SLC7A14: variants seen among roughly 807,000 people sequenced by gnomAD.
SLC7A14 encodes gamma-aminobutyric acid transporter SLC7A14.
In SLC7A14, 37 loss-of-function variants were observed where a neutral mutation model predicts 60.2. The observed-to-expected ratio is 0.61, with a 90% CI of 0.47 to 0.81. SLC7A14 has a LOEUF of 0.81. SLC7A14 is among the 30% of genes least tolerant of loss of function. The pLI, the probability that SLC7A14 is intolerant of heterozygous loss-of-function variation, is 0.00. For synonymous variants in SLC7A14, 399 were observed against 395.8 expected (o/e 1.01, Z -0.10); for missense variants, 886 against 982.7 (o/e 0.90, Z 1.32).
intron 1 of SLC7A14, among the ~76,000 whole-genome samples, chr3:170,584,007 G>T (rs1715306854): frequency 6.6e-6 from 1 of 152,190 alleles, no homozygotes; most frequent in African/African-American, 2.4e-5. Context: ...AAAATGGCTT[G>T]GACTTTGAGT....
At chr3:170,510,943 C>T (rs1005996375) in intron 2 of SLC7A14, among the ~76,000 whole-genome samples, 3 of 152,148 alleles carry the variant, frequency 2.0e-5, no homozygotes, top group South Asian at 4.1e-4. Flanking sequence ...GAGAGAATGC[C>T]GAGGCCAGCA....
At chr3:170,561,111 C>G (rs985605433) in intron 1 of SLC7A14, among the ~76,000 whole-genome samples, 1 of 152,166 alleles carries the variant, frequency 6.6e-6, no homozygotes, top group Non-Finnish European at 1.5e-5. Context: ...TTCCTCTCCT[C>G]ATTCTCTGGT....
intron 1 of SLC7A14, among the ~76,000 whole-genome samples, chr3:170,579,873 C>G (rs1229730605): frequency 6.6e-6 from 1 of 152,146 alleles, no homozygotes; most frequent in Non-Finnish European, 1.5e-5. Flanking sequence ...TCTGAAGTTG[C>G]CTCATCACAG....
At chr3:170,530,625 T>G (rs985231339) in intron 1 of SLC7A14, among the ~76,000 whole-genome samples, 2 of 152,194 alleles carry the variant, frequency 1.3e-5, no homozygotes, top group East Asian at 3.9e-4. Flanking sequence ...TGAGATGACT[T>G]ACTTTCTAAA....
At chr3:170,573,948 G>A (rs1468875885) in intron 1 of SLC7A14, among the ~76,000 whole-genome samples, 2 of 152,190 alleles carry the variant, frequency 1.3e-5, no homozygotes, top group African/African-American at 2.4e-5. Context: ...TATTGTATGT[G>A]GCTATATTGG....
intron 1 of SLC7A14, among the ~76,000 whole-genome samples, chr3:170,566,239 C>T (rs540332151): frequency 6.6e-6 from 1 of 152,242 alleles, no homozygotes; most frequent in African/African-American, 2.4e-5. Flanking sequence ...TGGTTTTTCT[C>T]CCTCTCTGTA....
At chr3:170,573,309 A>G (rs1715001396) in intron 1 of SLC7A14, among the ~76,000 whole-genome samples, 2 of 152,346 alleles carry the variant, frequency 1.3e-5, no homozygotes, top group African/African-American at 4.8e-5. Context: ...AAGGAGACCA[A>G]CAAAAGATTG....
chr3:170,509,719 T>A (rs149470416), intron 2 of SLC7A14, among the ~76,000 whole-genome samples: 65 of 150,710 alleles, frequency 4.3e-4, no homozygotes, highest in African/African-American at 1.4e-3. Flanking sequence ...CCAAGGTGGG[T>A]GGATCACCTG....
intron 2 of SLC7A14, among the ~76,000 whole-genome samples, chr3:170,511,303 A>G (rs886708127): frequency 4.6e-5 from 7 of 152,154 alleles, no homozygotes; most frequent in African/African-American, 1.7e-4. Flanking sequence ...AGGCTGAGGC[A>G]GTAGAATCGC....
rs1326132563 is a variant in SLC7A14 at position 170,496,675 on chromosome 3, AC to A, written c.759+1991del. The A allele has an allele frequency of 1.7e-5, 19 of 1,104,626 alleles. No individual in the cohort carries two copies. The African/African-American group carries it at 2.6e-4, about 15-fold the overall frequency. The allele number at this position is 1,104,626 out of a possible 1,614,324, so 68.4% of individuals were successfully genotyped here. A position where few individuals can be genotyped will look rare whatever the true frequency, so the allele number is the denominator to read the frequency against. ...GCAGAACACGAGTATCCATAGGAAG[AC>A]CACCAGCGGCTATGCAGGTGGTCTG... is the stretch of plus-strand genomic sequence containing the variant. On this transcript the variant is annotated intron_variant, in intron 4 of 7. Coordinates refer to ENST00000231706, the MANE Select transcript of SLC7A14 (RefSeq NM_020949.3).
chr3:170,487,062 A>G (rs1171215013), intron 4 of SLC7A14, among the ~76,000 whole-genome samples: 1 of 148,084 alleles, frequency 6.8e-6, no homozygotes, highest in African/African-American at 2.5e-5. Context: ...CTGGGAAGAC[A>G]TGGTAAAGAC....
At chr3:170,542,218 A>G (rs1188653724) in intron 1 of SLC7A14, among the ~76,000 whole-genome samples, 3 of 152,178 alleles carry the variant, frequency 2.0e-5, no homozygotes, top group Non-Finnish European at 4.4e-5. Flanking sequence ...TACTGGAAAG[A>G]TGGAATCTGC....
chr3:170,577,709 A>G (rs1715137064), intron 1 of SLC7A14, among the ~76,000 whole-genome samples: 1 of 151,714 alleles, frequency 6.6e-6, no homozygotes, highest in Admixed American at 6.6e-5. Flanking sequence ...TGTTGATGGG[A>G]TATGTAGCTA....
At chr3:170,483,546 G>A (rs1317984927) in intron 5 of SLC7A14, 24 bp from the exon 6 acceptor site, 1 of 1,612,968 alleles carries the variant, frequency 6.2e-7, no homozygotes, top group Non-Finnish European at 8.5e-7. Flanking sequence ...AGAAGACAGG[G>A]CTGGAGGTAC....
intron 6 of SLC7A14, among the ~76,000 whole-genome samples, chr3:170,481,543 A>G (rs1711823765): frequency 6.6e-6 from 1 of 151,956 alleles, no homozygotes; most frequent in Non-Finnish European, 1.5e-5. Context: ...CTGGGATTAC[A>G]GGCATGCACC....
chr3:170,465,168 T>C lies in SLC7A14; in HGVS notation c.*1887A>G, dbSNP rs1294363832. The C allele has an allele frequency of 6.6e-6, 1 of 152,198 alleles. No homozygotes were observed. The highest frequency in any genetic ancestry group is 1.5e-5 in the Non-Finnish European group (1 of 68,036). The allele number at this position is 152,198 out of a possible 1,614,324, so 9.4% of individuals were successfully genotyped here. Reference sequence around the variant, plus strand: ...AATGACTACAGAAGAATAAAAAATATCTAGAAAATTGCAGTTATTTTAGTT... The same window carrying C: ...AATGACTACAGAAGAATAAAAAATACCTAGAAAATTGCAGTTATTTTAGTT... On this transcript the variant is annotated 3_prime_UTR_variant, in exon 8 of 8. Coordinates refer to ENST00000231706, the MANE Select transcript of SLC7A14 (RefSeq NM_020949.3).
rs1291035224 is a variant in SLC7A14, at chr3:170,585,674, G to C, written c.-153+237C>G. 1.3e-5 allele frequency among the ~76,000 whole-genome samples: 2 copies of C among 152,142 alleles called. No homozygotes were observed. Among genetic ancestry groups the C allele is most frequent in the African/African-American group, 4.8e-5 (2 of 41,450 alleles). On this transcript the variant is annotated intron_variant, in intron 1 of 7. Transcript: ENST00000231706. The surrounding 1 kb of genome is among the most constrained non-coding windows in gnomAD (Gnocchi z 5.1). ...GGTGCCCCCAGACCGCGGGCAGTCG[G>C]GGCCTCATTCCGGGCCAGAGCAGGA...
chr3:170,472,379 A>AT lies in SLC7A14; in HGVS notation c.1994-5003_1994-5002insA, dbSNP rs1739938700. The stretch of plus-strand genomic sequence containing the variant: ...GTGAGACTCCATCTCAAAAAAAAAA[A>AT]AGTTTCAATATTTTAACACAGACAT... On this transcript the variant is annotated intron_variant, in intron 7 of 7. Transcript: ENST00000231706. 1.7e-4 allele frequency among the ~76,000 whole-genome samples: 26 copies of AT among 149,710 alleles called. No individual in the cohort carries two copies. In the South Asian group the frequency reaches 4.0e-3, roughly 23 times the overall value.
At chr3:170,507,961 T>C (rs1577523138) in intron 2 of SLC7A14, among the ~76,000 whole-genome samples, 1 of 152,048 alleles carries the variant, frequency 6.6e-6, no homozygotes, top group South Asian at 2.1e-4. Context: ...CTCATCAGAG[T>C]TGTTCTTTTA....
Sources: gnomAD v4.1 joint callset for allele counts (sites outside exome capture counted in the v4.1 genomes callset) on GRCh38, gnomAD v4.1.1 for gene constraint, Gnocchi (gnomAD v3.1) non-coding constraint, MANE v1.5 for transcripts, NCBI Gene and HGNC (gene_info 2026-07-23, HGNC 2026-07-21) for gene names.